Variants in PITPNM3 observed in about 807,000 individuals in gnomAD.
The protein encoded by PITPNM3 is membrane-associated phosphatidylinositol transfer protein 3.
A neutral mutation model predicts 102.0 loss-of-function variants in PITPNM3; 26 were observed. The ratio of observed to expected loss-of-function variants is 0.25; its 90% CI spans 0.19 to 0.35. PITPNM3 has a LOEUF of 0.35. Among genes scored for constraint, PITPNM3 ranks in the 10% least tolerant of loss-of-function variants. PITPNM3 has a pLI of 1.00. For synonymous variants in PITPNM3, 578 were observed against 558.6 expected (o/e 1.03, Z -0.49); for missense variants, 1,083 against 1,346.1 (o/e 0.80, Z 3.06).
At chr17:6,477,251 G>C (rs748037781) in intron 8 of PITPNM3, 38 bp from the exon 9 acceptor site, 1 of 1,600,282 alleles carries the variant, frequency 6.2e-7, no homozygotes, top group Admixed American at 1.7e-5. Flanking sequence ...GAAAAAGACT[G>C]TTGTCACGGG....
At chr17:6,538,133 T>C (rs377158215) in intron 1 of PITPNM3, 51 bp from the exon 2 acceptor site, 3 of 1,418,956 alleles carry the variant, frequency 2.1e-6, no homozygotes, top group Non-Finnish European at 3.0e-6. Context: ...TGTCCCAGTA[T>C]GAGGGAGGTG....
intron 3 of PITPNM3, among the ~76,000 whole-genome samples, chr17:6,516,433 G>T (rs1304038598): frequency 7.1e-6 from 1 of 141,000 alleles, no homozygotes; most frequent in African/African-American, 3.2e-5. Context: ...GCGTGGTGGC[G>T]GGCACCTGTA....
chr17:6,531,626 G>A (rs1213343197), intron 2 of PITPNM3, among the ~76,000 whole-genome samples: 1 of 152,236 alleles, frequency 6.6e-6, no homozygotes, highest in East Asian at 1.9e-4. Context: ...ACAGGGACGG[G>A]GTACCCAGGG....
At chr17:6,501,138 A>G (rs538833437) in intron 4 of PITPNM3, among the ~76,000 whole-genome samples, 1 of 152,196 alleles carries the variant, frequency 6.6e-6, no homozygotes, top group Admixed American at 6.5e-5. Flanking sequence ...GGCATCCCGG[A>G]GACAAGCCCC....
At chr17:6,551,888 C>A (rs889073940) in intron 1 of PITPNM3, among the ~76,000 whole-genome samples, 1 of 152,032 alleles carries the variant, frequency 6.6e-6, no homozygotes, top group Admixed American at 6.6e-5. Context: ...GCACACGCCC[C>A]ACTCCAGGAG....
intron 5 of PITPNM3, 25 bp from the exon 6 acceptor site, chr17:6,483,777 CAGAG>C (rs747991434): frequency 5.6e-6 from 9 of 1,604,508 alleles, no homozygotes; most frequent in African/African-American, 5.3e-5. Flanking sequence ...GGTTGGAATA[CAGAG>C]AGAGAGGCGG....
intron 6 of PITPNM3, chr17:6,481,770 A>G (rs1905687059): frequency 6.6e-6 from 1 of 151,096 alleles, no homozygotes; most frequent in Non-Finnish European, 1.5e-5. Context: ...ATAGATAGAT[A>G]GATAGATAGA....
chr17:6,515,161 C>T (rs1007890372), intron 3 of PITPNM3, among the ~76,000 whole-genome samples: 2 of 151,900 alleles, frequency 1.3e-5, no homozygotes, highest in East Asian at 3.9e-4. Context: ...TTTGGGAGAC[C>T]GAGGTGGGCG....
In PITPNM3 at chr17:6,483,386, G is replaced by A. The variant is rs184081544; in HGVS notation, c.587+131C>T. ...CTTCCACCAGGGATGCTTGTGTTTC[G>A]TCACGATCTGACACCCCAGAGAGTC... On this transcript the variant is annotated intron_variant, in intron 6 of 19. Transcript: ENST00000262483. The A allele has an allele frequency of 4.1e-5, 37 of 902,406 alleles. 1 individual carries two copies. The highest frequency in any genetic ancestry group is 3.8e-4 in the African/African-American group (23 of 60,592). 55.9% of individuals were successfully genotyped at this position (902,406 alleles called of 1,614,324 possible).
chr17:6,554,869 A>G (rs1417529228), intron 1 of PITPNM3, among the ~76,000 whole-genome samples: 3 of 152,212 alleles, frequency 2.0e-5, no homozygotes, highest in African/African-American at 7.2e-5. Context: ...TACAGTAAAG[A>G]GCTTAGCACT....
rs1334029248 is a variant in PITPNM3 at position 6,468,997 on chromosome 17, C to T, written c.1774-656G>A. On this transcript the variant is annotated intron_variant, in intron 13 of 19. Coordinates refer to ENST00000262483, the MANE Select transcript of PITPNM3 (RefSeq NM_031220.4). This position sits in a 1 kb window ranked among gnomAD's most constrained non-coding sequence, Gnocchi z 5.2. ...ACGGAAGCCATTCTTGCCACTGCCC[C>T]GGTGACTCCCACCCCGCCTATCTCA... is the stretch of plus-strand genomic sequence containing the variant. 6.6e-6 allele frequency among the ~76,000 whole-genome samples: 1 copy of T among 151,964 alleles called. No individual in the cohort carries two copies. The highest frequency in any genetic ancestry group is 2.4e-5 in the African/African-American group (1 of 41,338).
chr17:6,556,358 C>A lies in PITPNM3; in HGVS notation c.22+27G>T, dbSNP rs1242630814. On this transcript the variant is annotated intron_variant, in intron 1 of 19. Coordinates refer to ENST00000262483, the MANE Select transcript of PITPNM3 (RefSeq NM_031220.4). The surrounding 1 kb of genome is among the most constrained non-coding windows in gnomAD (Gnocchi z 5.2). ...CGCGAGTCCCTCCCCCGGGCCCCGG[C>A]CCTGCCCTCCCCGCGCCCGCCCTCA... 2 of 1,400,246 alleles carry A rather than the reference C, an allele frequency of 1.4e-6. No individual in the cohort carries two copies. The highest frequency in any genetic ancestry group is 1.9e-6 in the Non-Finnish European group (2 of 1,074,250). 86.7% of individuals were successfully genotyped at this position (1,400,246 alleles called of 1,614,324 possible).
chr17:6,518,729 TACTA>T (rs1389448697), intron 3 of PITPNM3, among the ~76,000 whole-genome samples: 2 of 152,090 alleles, frequency 1.3e-5, no homozygotes, highest in African/African-American at 4.8e-5. Flanking sequence ...TGGCAAAACT[TACTA>T]AGAATGAGAG....
chr17:6,488,773 G>A (rs577997497), intron 4 of PITPNM3, among the ~76,000 whole-genome samples: 1 of 152,198 alleles, frequency 6.6e-6, no homozygotes, highest in Non-Finnish European at 1.5e-5. Context: ...GTCCTAAGGG[G>A]TGGAGAGCCA....
Position 6,537,126 on chromosome 17 carries a change from T to G in PITPNM3, c.118+861A>C, listed in dbSNP as rs1909479631. On this transcript the variant is annotated intron_variant, in intron 2 of 19. Transcript: ENST00000262483. This position sits in a 1 kb window ranked among gnomAD's most constrained non-coding sequence, Gnocchi z 4.4. The stretch of plus-strand genomic sequence containing the variant: ...CGTCAACAATGCTCCTTCCTATGTC[T>G]CATGGGTTGGCCGGGAAGAGATGCA... Among the ~76,000 whole-genome samples, 2 of 152,142 alleles carry G rather than the reference T, an allele frequency of 1.3e-5. No homozygotes were observed. The highest frequency in any genetic ancestry group is 2.9e-5 in the Non-Finnish European group (2 of 68,010).
At chr17:6,483,379 G>C in intron 6 of PITPNM3, 138 bp downstream of exon 6, 1 of 852,114 alleles carries the variant, frequency 1.2e-6, no homozygotes, top group Middle Eastern at 2.2e-4. Flanking sequence ...AGGGATGCTT[G>C]TGTTTCGTCA....
Position 6,451,878 on chromosome 17 carries a change from C to T in PITPNM3, c.*3460G>A, listed in dbSNP as rs540538059. The T allele has an allele frequency of 4.9e-4, 14 of 28,628 alleles. 2 individuals carry two copies. The highest frequency in any genetic ancestry group is 1.0e-3 in the African/African-American group (7 of 6,976). The allele number at this position is 28,628 out of a possible 1,614,324, so 1.8% of individuals were successfully genotyped here. On this transcript the variant is annotated 3_prime_UTR_variant, in exon 20 of 20. Coordinates refer to ENST00000262483, the MANE Select transcript of PITPNM3 (RefSeq NM_031220.4). ...CCAGGGCACTTGGCACCCAAACCCC[C>T]CCCCCCCGCCCGCCGATGGGATTCG...
At position 6,453,882 on chromosome 17, in the gene PITPNM3, A is replaced by T. The variant is rs1913970474; in HGVS notation, c.*1456T>A. The T allele has an allele frequency of 6.6e-6, 1 of 152,504 alleles. No homozygotes were observed. Among genetic ancestry groups the T allele is most frequent in the African/African-American group, 2.4e-5 (1 of 41,456 alleles). The allele number at this position is 152,504 out of a possible 1,614,324, so 9.4% of individuals were successfully genotyped here. A position where few individuals can be genotyped will look rare whatever the true frequency, so the allele number is the denominator to read the frequency against. On this transcript the variant is annotated 3_prime_UTR_variant, in exon 20 of 20. Transcript: ENST00000262483. The stretch of plus-strand genomic sequence containing the variant: ...GCTCAGTGGCCACGTGGGCAGCCCC[A>T]CACAGCAGGTGTGGGCCTGGGCCAG...
chr17:6,502,811 C>T (rs1490214606), intron 4 of PITPNM3, among the ~76,000 whole-genome samples: 1 of 152,186 alleles, frequency 6.6e-6, no homozygotes, highest in Non-Finnish European at 1.5e-5. Context: ...GCCACCGAGT[C>T]CTCCCAGAAC....
Sources: allele counts gnomAD v4.1 joint callset (sites outside exome capture counted in the v4.1 genomes callset), GRCh38; gene constraint gnomAD v4.1.1; non-coding constraint Gnocchi (gnomAD v3.1); transcripts MANE v1.5; gene names NCBI Gene and HGNC (gene_info 2026-07-23, HGNC 2026-07-21).